SLC25A13: variants seen among roughly 807,000 people sequenced by gnomAD.
SLC25A13 encodes the protein electrogenic aspartate/glutamate antiporter SLC25A13, mitochondrial.
A neutral mutation model predicts 85.5 loss-of-function variants in SLC25A13; 70 were observed. That is an observed-to-expected ratio of 0.82 (90% CI 0.68 to 1.00). SLC25A13 has a LOEUF of 1.00. Ranked by LOEUF, SLC25A13 falls within the 50% of genes least tolerant of loss-of-function variation. The pLI is 0.00. For synonymous variants in SLC25A13, 259 were observed against 288.7 expected, an observed-to-expected ratio of 0.90 and a Z score of 1.04; for missense variants, 765 against 819.8, an observed-to-expected ratio of 0.93 and a Z score of 0.82.
chr7:96,269,555 T>C (rs900491552), intron 3 of SLC25A13, among the ~76,000 whole-genome samples: 1 of 152,224 alleles, frequency 6.6e-6, no homozygotes, highest in Non-Finnish European at 1.5e-5. Context: ...ATAAGCTTTC[T>C]AACGTCCCGG....
In SLC25A13 at chr7:96,121,844, G is replaced by C. The variant is rs759119965; in HGVS notation, c.1745C>G (p.Ala582Gly). ...AGAACACATTATTTCCATACCACCA[G>C]CTCCCTTCCACAGAGCTTTTGGTCC... ...EEGPKALWKG[A>G]GARVFRSSPQ... The change falls in exon 16 of 18, where the codon GCT becomes GGT. Residue 582 changes from alanine to glycine, a missense_variant. Ala to Gly is a moderately conservative substitution (Grantham distance 60, BLOSUM62 0). Transcript: ENST00000265631. 6.2e-7 allele frequency: 1 copy of C among 1,614,180 alleles called. No homozygotes were observed. The highest frequency in any genetic ancestry group is 8.5e-7 in the Non-Finnish European group (1 of 1,180,028).
intron 13 of SLC25A13, 63 bp downstream of exon 13, chr7:96,169,982 C>A: frequency 6.7e-7 from 1 of 1,492,772 alleles, no homozygotes; most frequent in East Asian, 2.3e-5. Flanking sequence ...ACCTGTTGAC[C>A]ATGGTAGTGA....
chr7:96,169,653 C>A (rs955266938), intron 13 of SLC25A13, among the ~76,000 whole-genome samples: 1 of 152,146 alleles, frequency 6.6e-6, no homozygotes, highest in Non-Finnish European at 1.5e-5. Flanking sequence ...CAGAGAGCTA[C>A]GGTTGCTGAC....
intron 15 of SLC25A13, among the ~76,000 whole-genome samples, chr7:96,128,269 CT>C (rs1791815588): frequency 1.3e-5 from 2 of 151,982 alleles, no homozygotes; most frequent in Non-Finnish European, 2.9e-5. Context: ...TGCTTCCTTT[CT>C]TCTTTTATTT....
At chr7:96,207,044 C>A (rs1004060416) in intron 5 of SLC25A13, among the ~76,000 whole-genome samples, 1 of 152,276 alleles carries the variant, frequency 6.6e-6, no homozygotes, top group African/African-American at 2.4e-5. Flanking sequence ...ACAACAATGT[C>A]CTGTGGAAAC....
chr7:96,264,270 T>TC (rs1475457538), intron 3 of SLC25A13, among the ~76,000 whole-genome samples: 1 of 152,190 alleles, frequency 6.6e-6, no homozygotes, highest in Non-Finnish European at 1.5e-5. Context: ...AGGTAAGCAC[T>TC]CAAGTGGGTC....
At chr7:96,232,270 G>A (rs1180624200) in intron 4 of SLC25A13, among the ~76,000 whole-genome samples, 2 of 151,956 alleles carry the variant, frequency 1.3e-5, no homozygotes, top group African/African-American at 4.8e-5. Flanking sequence ...AAAACAACGA[G>A]ATCATGTCCT....
intron 13 of SLC25A13, among the ~76,000 whole-genome samples, chr7:96,150,720 G>A (rs529053778): frequency 2.2e-4 from 34 of 152,242 alleles, no homozygotes; most frequent in Middle Eastern, 3.4e-3. Context: ...GCCAAAGAGA[G>A]AGACCTCAGA....
At chr7:96,288,142 G>A (rs147762033) in intron 2 of SLC25A13, among the ~76,000 whole-genome samples, 3 of 152,262 alleles carry the variant, frequency 2.0e-5, no homozygotes, top group Admixed American at 2.0e-4. Context: ...ACTGTATACT[G>A]TATTGTGGCC....
intron 3 of SLC25A13, among the ~76,000 whole-genome samples, chr7:96,252,394 G>C (rs1001846165): frequency 1.8e-4 from 27 of 152,308 alleles, no homozygotes; most frequent in African/African-American, 6.5e-4. Flanking sequence ...TACTGAGCAA[G>C]CAATAGGAAA....
chr7:96,280,678 A>C (rs1004881757), intron 2 of SLC25A13, among the ~76,000 whole-genome samples: 2 of 152,112 alleles, frequency 1.3e-5, no homozygotes, highest in Non-Finnish European at 2.9e-5. Flanking sequence ...TTGCATCACT[A>C]TACTCCAGCC....
At chr7:96,139,406 G>A (rs1792429641) in intron 14 of SLC25A13, among the ~76,000 whole-genome samples, 1 of 151,592 alleles carries the variant, frequency 6.6e-6, no homozygotes, top group African/African-American at 2.4e-5. Flanking sequence ...TTTTTTTCCA[G>A]TTTTTGTTTA....
chr7:96,279,256 T>A (rs528533917), intron 2 of SLC25A13, among the ~76,000 whole-genome samples: 1 of 152,214 alleles, frequency 6.6e-6, no homozygotes, highest in East Asian at 1.9e-4. Context: ...CAGTTTGATA[T>A]TTTTATATAA....
chr7:96,137,924 T>C (rs886998122), intron 14 of SLC25A13, among the ~76,000 whole-genome samples: 2 of 152,340 alleles, frequency 1.3e-5, no homozygotes, highest in African/African-American at 4.8e-5. Context: ...GAATCATTCA[T>C]TGTACAATTA....
chr7:96,274,772 T>C (rs544580657), intron 3 of SLC25A13, among the ~76,000 whole-genome samples: 3 of 152,358 alleles, frequency 2.0e-5, no homozygotes, highest in Admixed American at 2.0e-4. Context: ...GGGAATCCTT[T>C]CGCCATTTCT....
chr7:96,142,244 G>GA (rs1341151658), intron 14 of SLC25A13, among the ~76,000 whole-genome samples: 1 of 151,858 alleles, frequency 6.6e-6, no homozygotes, highest in African/African-American at 2.4e-5. Flanking sequence ...CAGAGTACCT[G>GA]AAAGGAAGCT....
At chr7:96,191,060 AAT>A in intron 7 of SLC25A13, 47 bp downstream of exon 7, 1 of 1,610,214 alleles carries the variant, frequency 6.2e-7, no homozygotes, top group South Asian at 1.1e-5. Flanking sequence ...CCCTAATAAT[AAT>A]ACACCACAAT....
intron 1 of SLC25A13, 148 bp from the exon 2 acceptor site, chr7:96,297,099 C>T (rs956400846): frequency 9.8e-6 from 7 of 711,270 alleles, no homozygotes; most frequent in African/African-American, 3.6e-5. Flanking sequence ...ATAAACTATG[C>T]CCCCTTCCCA....
intron 3 of SLC25A13, among the ~76,000 whole-genome samples, chr7:96,264,746 G>T (rs537179889): frequency 6.6e-6 from 1 of 150,978 alleles, no homozygotes; most frequent in South Asian, 2.1e-4. Flanking sequence ...ACAGGGTCTC[G>T]CTATGTTAGC....
Sources: allele counts gnomAD v4.1 joint callset (sites outside exome capture counted in the v4.1 genomes callset), GRCh38; gene constraint gnomAD v4.1.1; transcripts MANE v1.5; gene names NCBI Gene and HGNC (gene_info 2026-07-23, HGNC 2026-07-21).